Variants in ADCY5 observed in about 807,000 individuals in gnomAD.
ADCY5 encodes adenylate cyclase type 5.
ADCY5 carries 30 observed loss-of-function variants against 119.7 expected under a neutral mutation model. The observed-to-expected ratio is 0.25, with a 90% CI of 0.19 to 0.34. The LOEUF is 0.34. Ranked by LOEUF, ADCY5 falls within the 10% of genes least tolerant of loss-of-function variation. ADCY5 has a pLI of 1.00. For synonymous variants in ADCY5, 753 were observed against 762.2 expected (o/e 0.99, Z 0.20); for missense variants, 1,324 against 1,775.2 (o/e 0.75, Z 4.57).
At chr3:123,345,118 G>T (rs991837801) in intron 3 of ADCY5, among the ~76,000 whole-genome samples, 9 of 152,174 alleles carry the variant, frequency 5.9e-5, no homozygotes, top group Admixed American at 2.6e-4. Context: ...ACAGAGGGAG[G>T]AGTCACCCCA....
chr3:123,329,133 C>T (rs951831936), intron 5 of ADCY5, among the ~76,000 whole-genome samples: 4 of 152,222 alleles, frequency 2.6e-5, no homozygotes, highest in Admixed American at 1.3e-4. Context: ...TGCAAATGCA[C>T]GTTAGGGCCG....
rs571833395 is a variant in ADCY5, at chr3:123,291,812, A to C, written c.3064-436T>G. On this transcript the variant is annotated intron_variant, in intron 17 of 20. Transcript: ENST00000462833. ...TGTTCATTGTCCTCTTAATATCAGG[A>C]AATGGAATCAAAAGCCAGAGTTACC... 2.0e-5 allele frequency among the ~76,000 whole-genome samples: 3 copies of C among 152,300 alleles called. No homozygotes were observed. The East Asian group carries it at 5.8e-4, about 29-fold the overall frequency.
intron 1 of ADCY5, among the ~76,000 whole-genome samples, chr3:123,355,884 G>A (rs935603395): frequency 2.6e-5 from 4 of 152,120 alleles, no homozygotes; most frequent in African/African-American, 7.2e-5. Flanking sequence ...AATCAAGTTA[G>A]CAGACTCATA....
chr3:123,423,238 A>G (rs967139371), intron 1 of ADCY5, among the ~76,000 whole-genome samples: 1 of 152,158 alleles, frequency 6.6e-6, no homozygotes, highest in African/African-American at 2.4e-5. Flanking sequence ...CACGAGCCCA[A>G]GCTGGGCACA....
At chr3:123,408,466 C>T (rs375605526) in intron 1 of ADCY5, among the ~76,000 whole-genome samples, 1 of 147,944 alleles carries the variant, frequency 6.8e-6, no homozygotes, top group Admixed American at 6.7e-5. Flanking sequence ...GACCAGCCAG[C>T]CCAATATGGT....
intron 15 of ADCY5, among the ~76,000 whole-genome samples, chr3:123,297,676 C>A (rs557689283): frequency 3.3e-5 from 5 of 152,236 alleles, no homozygotes; most frequent in Non-Finnish European, 1.5e-5. Context: ...GCCTCTCCCC[C>A]TCCCAGGCCT....
chr3:123,284,532 G>A lies in ADCY5; in HGVS notation c.*76C>T, dbSNP rs961222067. 1.2e-5 allele frequency: 19 copies of A among 1,584,854 alleles called. No individual in the cohort carries two copies. The East Asian group carries it at 2.9e-4, about 24-fold the overall frequency. ...CTGCGGGCTGGAGCATGGCTTCCCC[G>A]CCACCCCCGGCACACAGAGAAGCTG... On this transcript the variant is annotated 3_prime_UTR_variant, in exon 21 of 21. Coordinates refer to ENST00000462833, the MANE Select transcript of ADCY5 (RefSeq NM_183357.3).
chr3:123,363,944 C>G (rs1943345554), intron 1 of ADCY5, among the ~76,000 whole-genome samples: 1 of 152,068 alleles, frequency 6.6e-6, no homozygotes, highest in African/African-American at 2.4e-5. Flanking sequence ...TGCTCAATAC[C>G]CTGGAATATC....
At chr3:123,350,018 C>CTGAAA (rs1213608256) in intron 2 of ADCY5, among the ~76,000 whole-genome samples, 2 of 152,230 alleles carry the variant, frequency 1.3e-5, no homozygotes, top group East Asian at 3.8e-4. Flanking sequence ...CCCAGCAGCA[C>CTGAAA]TGAAATGAAA....
At chr3:123,426,022 G>A (rs576486894) in intron 1 of ADCY5, among the ~76,000 whole-genome samples, 28 of 152,320 alleles carry the variant, frequency 1.8e-4, no homozygotes, top group African/African-American at 6.7e-4. Context: ...CCACATTTGG[G>A]ACAGACCCCA....
At chr3:123,340,590 C>T (rs945023506) in intron 3 of ADCY5, among the ~76,000 whole-genome samples, 1 of 152,126 alleles carries the variant, frequency 6.6e-6, no homozygotes, top group African/African-American at 2.4e-5. Context: ...GTCCAGAGAG[C>T]TAAAATAGTA....
At chr3:123,313,648 C>T (rs1940713430) in intron 12 of ADCY5, among the ~76,000 whole-genome samples, 1 of 152,172 alleles carries the variant, frequency 6.6e-6, no homozygotes, top group African/African-American at 2.4e-5. Context: ...CACGGCTGGA[C>T]AGGGGACACA....
At chr3:123,420,432 C>T (rs1328881102) in intron 1 of ADCY5, among the ~76,000 whole-genome samples, 1 of 152,198 alleles carries the variant, frequency 6.6e-6, no homozygotes, top group Admixed American at 6.5e-5. Context: ...TCTCCTTTTC[C>T]TCCTGCCTGG....
Position 123,284,583 on chromosome 3 carries a change from G to A in ADCY5, c.*25C>T, listed in dbSNP as rs1470086502. On this transcript the variant is annotated 3_prime_UTR_variant, in exon 21 of 21. Coordinates refer to ENST00000462833, the MANE Select transcript of ADCY5 (RefSeq NM_183357.3). ...CTTCCATGCCTCTGGAGGCCAGGCT[G>A]CCTGGCACCATTGGCCAACAGCTGC... The A allele has an allele frequency of 6.2e-7, 1 of 1,613,726 alleles. No homozygotes were observed. Among genetic ancestry groups the A allele is most frequent in the Non-Finnish European group, 8.5e-7 (1 of 1,179,778 alleles).
At chr3:123,392,050 C>T (rs1944414463) in intron 1 of ADCY5, among the ~76,000 whole-genome samples, 1 of 152,142 alleles carries the variant, frequency 6.6e-6, no homozygotes, top group African/African-American at 2.4e-5. Flanking sequence ...CTGCTCTGGA[C>T]GAGCGCCTCC....
chr3:123,295,979 G>T, intron 17 of ADCY5, 105 bp downstream of exon 17: 1 of 1,505,208 alleles, frequency 6.6e-7, no homozygotes, highest in Non-Finnish European at 9.0e-7. Context: ...GCTTGACAGT[G>T]TAAGACGAAG....
intron 12 of ADCY5, among the ~76,000 whole-genome samples, chr3:123,309,669 C>T (rs557505568): frequency 6.6e-6 from 1 of 152,248 alleles, no homozygotes; most frequent in African/African-American, 2.4e-5. Flanking sequence ...GGAGAACCTA[C>T]AATATGCCTC....
At chr3:123,429,502 T>C (rs993765214) in intron 1 of ADCY5, among the ~76,000 whole-genome samples, 1 of 151,646 alleles carries the variant, frequency 6.6e-6, no homozygotes, top group Non-Finnish European at 1.5e-5. Flanking sequence ...AGCTCCCTCA[T>C]CTCAGGAGCA....
chr3:123,291,905 C>G (rs925976193), intron 17 of ADCY5, among the ~76,000 whole-genome samples: 13 of 152,304 alleles, frequency 8.5e-5, no homozygotes, highest in Middle Eastern at 3.4e-3. Context: ...GGAGGGCAGA[C>G]TTGCCCCAGA....
Sources: allele counts gnomAD v4.1 joint callset (sites outside exome capture counted in the v4.1 genomes callset), GRCh38; gene constraint gnomAD v4.1.1; transcripts MANE v1.5; gene names NCBI Gene and HGNC (gene_info 2026-07-23, HGNC 2026-07-21).